The following PM20D2 variants were observed in gnomAD, a reference collection of about 807,000 sequenced individuals.
The protein encoded by PM20D2 is peptidase M20 domain containing 2.
A neutral mutation model predicts 42.9 loss-of-function variants in PM20D2; 33 were observed. The ratio of observed to expected loss-of-function variants is 0.77; its 90% CI spans 0.58 to 1.03. The LOEUF is 1.03. Among genes scored for constraint, PM20D2 ranks in the 50% least tolerant of loss-of-function variants. The pLI, the probability that PM20D2 is intolerant of heterozygous loss-of-function variation, is 0.00. For missense variants in PM20D2, 548 were observed against 557.0 expected, an observed-to-expected ratio of 0.98 and a Z score of 0.16; for synonymous variants, 250 against 228.2, an observed-to-expected ratio of 1.10 and a Z score of -0.86.
chr6:89,160,044 C>A (rs1369648197), intron 5 of PM20D2, among the ~76,000 whole-genome samples: 5 of 152,096 alleles, frequency 3.3e-5, no homozygotes, highest in African/African-American at 1.2e-4. Flanking sequence ...TTAAAATATG[C>A]AACAGGTTTT....
chr6:89,156,323 A>G (rs1242289013), intron 4 of PM20D2, among the ~76,000 whole-genome samples: 1 of 152,224 alleles, frequency 6.6e-6, no homozygotes, highest in East Asian at 1.9e-4. Flanking sequence ...ATCTTGACCC[A>G]TAACTCTCAG....
In PM20D2 at chr6:89,162,129, TAC is replaced by T; in HGVS notation, c.1180_1181del (p.Thr394SerfsTer17). On this transcript the variant is annotated frameshift_variant, in exon 7 of 7. Coordinates refer to ENST00000275072, the MANE Select transcript of PM20D2 (RefSeq NM_001010853.3). LOFTEE classifies it high-confidence loss of function. ...TTTAGGGTCACAGGAAGCTCAGTTC[TAC>T]ACTCTGCGGACGGCCAAAGCTCTGG... ...EAAGSQEAQF[Y>X]TLRTAKALAM... The T allele has an allele frequency of 6.2e-7, 1 of 1,613,708 alleles. No homozygotes were observed. The highest frequency in any genetic ancestry group is 8.5e-7 in the Non-Finnish European group (1 of 1,179,898).
rs377522377 is a variant in PM20D2 at position 89,158,310 on chromosome 6, G to A, written c.913-15G>A. On this transcript the variant is annotated splice_polypyrimidine_tract_variant and intron_variant, in intron 4 of 6. Transcript: ENST00000275072. ...AGTTTTTTATTTCAAAATTTGTTTTGCAATTTTTTATTAGGTGGAAATTAA... is the reference window on the plus strand; with the variant it reads ...AGTTTTTTATTTCAAAATTTGTTTTACAATTTTTTATTAGGTGGAAATTAA... The A allele has an allele frequency of 7.1e-6, 11 of 1,559,858 alleles. No homozygotes were observed. In the African/African-American group the frequency reaches 1.3e-4, roughly 18 times the overall value.
chr6:89,161,724 T>G, intron 5 of PM20D2, 59 bp from the exon 6 acceptor site: 1 of 1,332,614 alleles, frequency 7.5e-7, no homozygotes, highest in East Asian at 2.3e-5. Context: ...ACTTCATAAC[T>G]CCAGAATACT....
At chr6:89,150,531 CTTTTTTTTT>C (rs753768538) in intron 2 of PM20D2, among the ~76,000 whole-genome samples, 7 of 59,394 alleles carry the variant, frequency 1.2e-4, no homozygotes, top group Non-Finnish European at 1.6e-4. Flanking sequence ...CTGATCATCT[CTTTTTTTTT>C]TTTTTTTTTT....
At chr6:89,145,893 G>C (rs1770513915), upstream of PM20D2, among the ~76,000 whole-genome samples, 1 of 152,226 alleles carries the variant, frequency 6.6e-6, no homozygotes, top group Admixed American at 6.5e-5. Flanking sequence ...AGAGTCCCGA[G>C]CCCTGCCTTC....
chr6:89,140,116 C>T, the PM20D2 span, among the ~76,000 whole-genome samples: 1 of 149,948 alleles, frequency 6.7e-6, no homozygotes, highest in East Asian at 1.9e-4. Context: ...TTTTTGTTAA[C>T]TTTTTTGTAG....
the PM20D2 span, among the ~76,000 whole-genome samples, chr6:89,107,623 C>T: frequency 2.0e-5 from 3 of 151,818 alleles, no homozygotes; most frequent in East Asian, 3.9e-4. Context: ...CCCAGCTACT[C>T]GGGAGGCTGA....
At chr6:89,105,686 C>A in the PM20D2 span, 1 of 482,272 alleles carries the variant, frequency 2.1e-6, no homozygotes, top group Non-Finnish European at 3.5e-6. Flanking sequence ...AAAAAACTTT[C>A]ACTTTTTCTC....
In PM20D2 at chr6:89,146,501, C is replaced by G. The variant is rs1292184862; in HGVS notation, c.357C>G (p.Gly119=). ...GFLCEYDALP[G]IGHACGHNLI... ...TCTGCGAGTACGACGCGCTGCCCGG[C>G]ATCGGCCACGCCTGCGGCCACAACC... The change falls in exon 1 of 7, where the codon GGC becomes GGG. Residue 119 remains glycine (G), a synonymous_variant. Transcript: ENST00000275072. 1 of 1,523,484 alleles carries G rather than the reference C, an allele frequency of 6.6e-7. No individual in the cohort carries two copies. The highest frequency in any genetic ancestry group is 1.4e-5 in the African/African-American group (1 of 70,660). 94.4% of individuals were successfully genotyped at this position (1,523,484 alleles called of 1,614,324 possible). A position where few individuals can be genotyped will look rare whatever the true frequency, so the allele number is the denominator to read the frequency against.
intron 1 of PM20D2, among the ~76,000 whole-genome samples, chr6:89,147,746 A>T (rs1770646732): frequency 2.1e-5 from 3 of 146,262 alleles, no homozygotes; most frequent in Admixed American, 1.4e-4. Context: ...AAAAAAAATT[A>T]GCTGGGCGTG....
At chr6:89,099,419 TATATATGTGTGTATATATATACAC>T in the PM20D2 span, among the ~76,000 whole-genome samples, 2 of 137,870 alleles carry the variant, frequency 1.5e-5, no homozygotes, top group African/African-American at 5.6e-5. Flanking sequence ...TATATACATA[TATATATGTGTGTATATATATACAC>T]ATATATATGT....
chr6:89,097,126 T>C, the PM20D2 span: 1 of 152,212 alleles, frequency 6.6e-6, no homozygotes, highest in African/African-American at 2.4e-5. Flanking sequence ...AAAACTGGAA[T>C]TTGTATTCAA....
the PM20D2 span, among the ~76,000 whole-genome samples, chr6:89,110,006 G>C: frequency 5.3e-5 from 8 of 152,214 alleles, no homozygotes; most frequent in Admixed American, 5.2e-4. Flanking sequence ...CAGGAGAATG[G>C]TGTGAACCCA....
At chr6:89,110,985 G>A in the PM20D2 span, among the ~76,000 whole-genome samples, 3 of 152,038 alleles carry the variant, frequency 2.0e-5, no homozygotes, top group Non-Finnish European at 4.4e-5. Flanking sequence ...TGGGCGTGGT[G>A]TCTATAATCC....
chr6:89,140,871 C>T, the PM20D2 span, among the ~76,000 whole-genome samples: 2 of 152,154 alleles, frequency 1.3e-5, no homozygotes, highest in Admixed American at 6.6e-5. Flanking sequence ...TGAAGAAATC[C>T]GCACAGAACT....
chr6:89,112,580 CTT>C, the PM20D2 span, among the ~76,000 whole-genome samples: 1 of 144,258 alleles, frequency 6.9e-6, no homozygotes. Context: ...GCCCGGCTAA[CTT>C]TTTTTTTTTG....
chr6:89,147,545 T>C (rs561409671), intron 1 of PM20D2, among the ~76,000 whole-genome samples: 2 of 152,190 alleles, frequency 1.3e-5, no homozygotes, highest in South Asian at 4.1e-4. Context: ...CTTTGCCATG[T>C]CACAAACACT....
chr6:89,150,531 CTTTTTTTTTTTTT>C (rs753768538), intron 2 of PM20D2, among the ~76,000 whole-genome samples: 51 of 59,422 alleles, frequency 8.6e-4, no homozygotes, highest in Admixed American at 4.6e-3. Context: ...CTGATCATCT[CTTTTTTTTTTTTT>C]TTTTTTTTTT....
Sources: gnomAD v4.1 joint callset for allele counts (sites outside exome capture counted in the v4.1 genomes callset) on GRCh38, gnomAD v4.1.1 for gene constraint, MANE v1.5 for transcripts, NCBI Gene and HGNC (gene_info 2026-07-23, HGNC 2026-07-21) for gene names.